The following HS6ST3 variants were observed in gnomAD, a reference collection of about 807,000 sequenced individuals.
The protein encoded by HS6ST3 is heparan-sulfate 6-O-sulfotransferase 3.
In HS6ST3, 12 loss-of-function variants were observed where a neutral mutation model predicts 36.7. The observed-to-expected ratio is 0.33, with a 90% CI of 0.21 to 0.53. The LOEUF is 0.53. Among genes scored for constraint, HS6ST3 ranks in the 20% least tolerant of loss-of-function variants. The pLI is 0.95. For missense variants in HS6ST3, 584 were observed against 640.9 expected (o/e 0.91, Z 0.96); for synonymous variants, 240 against 257.5 (o/e 0.93, Z 0.65).
chr13:96,796,341 C>T (rs1877906356), intron 1 of HS6ST3, among the ~76,000 whole-genome samples: 1 of 151,914 alleles, frequency 6.6e-6, no homozygotes. Context: ...TAAAATGAAC[C>T]ATACTGTCAT....
chr13:96,802,699 CT>C (rs1878107697), intron 1 of HS6ST3, among the ~76,000 whole-genome samples: 1 of 152,156 alleles, frequency 6.6e-6, no homozygotes, highest in Non-Finnish European at 1.5e-5. Flanking sequence ...GTTGCCCAAG[CT>C]ATATAATCTC....
intron 1 of HS6ST3, among the ~76,000 whole-genome samples, chr13:96,187,999 G>T (rs2054272117): frequency 1.3e-5 from 2 of 152,182 alleles, no homozygotes; most frequent in South Asian, 4.1e-4. Flanking sequence ...GTAGAGTGGT[G>T]CTGGTTATAT....
intron 1 of HS6ST3, among the ~76,000 whole-genome samples, chr13:96,296,709 A>G (rs527302598): frequency 6.6e-6 from 1 of 152,144 alleles, no homozygotes; most frequent in South Asian, 2.1e-4. Flanking sequence ...CATTGAATGA[A>G]TGGGTTCAGG....
intron 1 of HS6ST3, among the ~76,000 whole-genome samples, chr13:96,711,420 A>G (rs769089521): frequency 6.6e-6 from 1 of 152,242 alleles, no homozygotes; most frequent in Non-Finnish European, 1.5e-5. Context: ...TAAAATAATA[A>G]GAAGGAATAA....
intron 1 of HS6ST3, among the ~76,000 whole-genome samples, chr13:96,239,120 A>G (rs2054548472): frequency 1.3e-5 from 2 of 152,208 alleles, no homozygotes; most frequent in Non-Finnish European, 2.9e-5. Context: ...TCTTCAGGCA[A>G]CCTGACTCAA....
intron 1 of HS6ST3, among the ~76,000 whole-genome samples, chr13:96,123,086 C>T (rs73545201): frequency 0.01 from 1,589 of 152,258 alleles, 24 homozygotes; most frequent in African/African-American, 0.036. Context: ...TTATATACCC[C>T]ATCTATTCTG....
chr13:96,113,169 A>C (rs1309386731), intron 1 of HS6ST3, among the ~76,000 whole-genome samples: 2 of 152,188 alleles, frequency 1.3e-5, no homozygotes, highest in African/African-American at 4.8e-5. Context: ...GATGAGTCAC[A>C]CAAACACGGA....
chr13:96,793,751 A>G (rs1287624869), intron 1 of HS6ST3, among the ~76,000 whole-genome samples: 4 of 152,082 alleles, frequency 2.6e-5, no homozygotes, highest in Non-Finnish European at 5.9e-5. Context: ...AATCTCTTAT[A>G]CCACAGGATC....
At chr13:96,819,887 T>TC (rs757225304) in intron 1 of HS6ST3, among the ~76,000 whole-genome samples, 2 of 151,802 alleles carry the variant, frequency 1.3e-5, no homozygotes, top group Non-Finnish European at 2.9e-5. Context: ...GACCAGTCAG[T>TC]CACATGGTGA....
intron 1 of HS6ST3, among the ~76,000 whole-genome samples, chr13:96,353,068 T>C (rs902173157): frequency 3.5e-5 from 5 of 144,308 alleles, no homozygotes; most frequent in Admixed American, 2.7e-4. Flanking sequence ...TTTTTTTTTT[T>C]TTTTGAGACG....
intron 1 of HS6ST3, among the ~76,000 whole-genome samples, chr13:96,815,402 G>T (rs919412827): frequency 6.6e-6 from 1 of 152,150 alleles, no homozygotes; most frequent in African/African-American, 2.4e-5. Flanking sequence ...TCCAAGAAAG[G>T]TCATATTCCC....
intron 1 of HS6ST3, among the ~76,000 whole-genome samples, chr13:96,383,147 G>T (rs190962629): frequency 6.6e-6 from 1 of 151,618 alleles, no homozygotes; most frequent in Admixed American, 6.6e-5. Context: ...GAGGTGAGAT[G>T]GATGAGGTAA....
intron 1 of HS6ST3, among the ~76,000 whole-genome samples, chr13:96,594,458 T>C (rs954065290): frequency 6.6e-6 from 1 of 152,160 alleles, no homozygotes; most frequent in Non-Finnish European, 1.5e-5. Context: ...AACTTGCTTT[T>C]TATTTTATGT....
rs185409070 is a variant in HS6ST3, at chr13:96,168,812, T to A, written c.707+77243T>A. ...GATAGACTCAGGGTACATGTGCAGA[T>A]TTGGTACATAGATATGTTGGGTAAT... On this transcript the variant is annotated intron_variant, in intron 1 of 1. Transcript: ENST00000376705. 6.8e-4 allele frequency among the ~76,000 whole-genome samples: 103 copies of A among 152,280 alleles called. No individual in the cohort carries two copies. In the East Asian group the frequency reaches 0.016, roughly 24 times the overall value.
intron 1 of HS6ST3, among the ~76,000 whole-genome samples, chr13:96,488,182 C>T (rs191150209): frequency 1.3e-3 from 193 of 152,100 alleles, no homozygotes; most frequent in Non-Finnish European, 2.4e-3. Flanking sequence ...GTATGCACCC[C>T]GTGAACTTGG....
intron 1 of HS6ST3, among the ~76,000 whole-genome samples, chr13:96,427,974 A>G (rs1456189614): frequency 6.6e-6 from 1 of 152,180 alleles, no homozygotes; most frequent in Non-Finnish European, 1.5e-5. Context: ...CATAGAAGTA[A>G]TGTACCCTTT....
intron 1 of HS6ST3, among the ~76,000 whole-genome samples, chr13:96,159,286 A>G (rs986342599): frequency 5.3e-5 from 8 of 152,224 alleles, no homozygotes; most frequent in Non-Finnish European, 1.2e-4. Context: ...CCTCGTTTTC[A>G]ACTCTTGCCT....
intron 1 of HS6ST3, among the ~76,000 whole-genome samples, chr13:96,330,975 C>T (rs1354266687): frequency 2.0e-4 from 31 of 152,070 alleles, no homozygotes; most frequent in African/African-American, 9.6e-5. Context: ...TTGATCGCAT[C>T]GGCTCCTGAG....
chr13:96,385,869 A>C (rs1239886338), intron 1 of HS6ST3, among the ~76,000 whole-genome samples: 1 of 152,200 alleles, frequency 6.6e-6, no homozygotes, highest in African/African-American at 2.4e-5. Flanking sequence ...ATAGAAGTTG[A>C]GTAACTTGTC....
Sources: gnomAD v4.1 joint callset for allele counts (sites outside exome capture counted in the v4.1 genomes callset) on GRCh38, gnomAD v4.1.1 for gene constraint, MANE v1.5 for transcripts, NCBI Gene and HGNC (gene_info 2026-07-23, HGNC 2026-07-21) for gene names.